Variants in NWD1 observed in about 807,000 individuals in gnomAD.
NWD1 encodes NACHT and WD repeat domain containing 1.
Under a neutral mutation model 135.1 loss-of-function variants are expected in NWD1, and 129 were observed. The observed-to-expected ratio is 0.96, with a 90% CI of 0.83 to 1.11. NWD1 has a LOEUF of 1.11. Among genes scored for constraint, NWD1 ranks in the 50% least tolerant of loss-of-function variants. The probability of loss-of-function intolerance (pLI) is 0.00; values close to 1 mark genes in which losing one functional copy is unlikely to be tolerated. For synonymous variants in NWD1, 773 were observed against 786.0 expected (o/e 0.98, Z 0.28); for missense variants, 1,740 against 1,851.3 (o/e 0.94, Z 1.10).
chr19:16,799,885 G>C lies in NWD1; in HGVS notation c.3460-1G>C. On this transcript the variant is annotated splice_acceptor_variant, in intron 16 of 18. Transcript: ENST00000524140. LOFTEE classifies it high-confidence loss of function. ...TCTGCCCTCCTGTTCTGCTTCCTCA[G>C]GTGTGGAGTCTGTCAGAACAGGGGA... 1 of 1,601,932 alleles carries C rather than the reference G, an allele frequency of 6.2e-7. No homozygotes were observed. Among genetic ancestry groups the C allele is most frequent in the Non-Finnish European group, 8.5e-7 (1 of 1,173,300 alleles).
intron 17 of NWD1, among the ~76,000 whole-genome samples, chr19:16,804,396 A>G (rs909923605): frequency 2.6e-5 from 4 of 151,982 alleles, no homozygotes; most frequent in African/African-American, 9.7e-5. Flanking sequence ...GAAGTTTGAG[A>G]CCAGCCTGGG....
chr19:16,815,309 C>A lies in NWD1; in HGVS notation c.*270C>A. The A allele has an allele frequency of 1.3e-6, 1 of 780,292 alleles. No individual in the cohort carries two copies. The allele number at this position is 780,292 out of a possible 1,614,324, so 48.3% of individuals were successfully genotyped here. ...TGAAACCAAATCAAACAAATGCTCA[C>A]AAGTGTGCCTGATAGTGTAAAAAAA... On this transcript the variant is annotated 3_prime_UTR_variant, in exon 19 of 19. Transcript: ENST00000524140.
rs748084052 is a variant in NWD1, at chr19:16,815,341, TA to T, written c.*309del. 1 of 735,178 alleles carries T rather than the reference TA, an allele frequency of 1.4e-6. No individual in the cohort carries two copies. Among genetic ancestry groups the T allele is most frequent in the Non-Finnish European group, 2.5e-6 (1 of 400,530 alleles). 45.5% of individuals were successfully genotyped at this position (735,178 alleles called of 1,614,324 possible). ...GCCTGATAGTGTAAAAAAATAAAAATAAAAAAACCCTGTGGGGGTATGGGGC... is the reference window on the plus strand; with the variant it reads ...GCCTGATAGTGTAAAAAAATAAAAATAAAAAACCCTGTGGGGGTATGGGGC... On this transcript the variant is annotated 3_prime_UTR_variant, in exon 19 of 19. Transcript: ENST00000524140.
At chr19:16,807,017 A>T (rs962013845) in intron 17 of NWD1, among the ~76,000 whole-genome samples, 1 of 151,798 alleles carries the variant, frequency 6.6e-6, no homozygotes, top group Non-Finnish European at 1.5e-5. Flanking sequence ...ACTCTGTCTA[A>T]AAAAAACAAA....
Position 16,781,961 on chromosome 19 carries a change from G to A in NWD1, c.2731+2496G>A, listed in dbSNP as rs377724731. On this transcript the variant is annotated intron_variant, in intron 12 of 18. Coordinates refer to ENST00000524140, the MANE Select transcript of NWD1 (RefSeq NM_001007525.5). ...CAAAAAAAATTAGCTGGGCGTGATGGTGGGTGCCTGTAGTCCCAGCTACTC... is the reference window on the plus strand; with the variant it reads ...CAAAAAAAATTAGCTGGGCGTGATGATGGGTGCCTGTAGTCCCAGCTACTC... 7.2e-5 allele frequency among the ~76,000 whole-genome samples: 11 copies of A among 151,864 alleles called. No individual in the cohort carries two copies. In the East Asian group the frequency reaches 7.8e-4, roughly 11 times the overall value.
At chr19:16,811,905 A>G (rs1402102411) in intron 18 of NWD1, among the ~76,000 whole-genome samples, 2 of 152,066 alleles carry the variant, frequency 1.3e-5, no homozygotes, top group Non-Finnish European at 2.9e-5. Flanking sequence ...AGTCCCAGCT[A>G]CCTGGAAGGC....
chr19:16,813,011 C>T (rs990059998), intron 18 of NWD1, among the ~76,000 whole-genome samples: 3 of 152,150 alleles, frequency 2.0e-5, no homozygotes, highest in African/African-American at 7.2e-5. Flanking sequence ...GCCCACAATC[C>T]CTCTTCTAGA....
chr19:16,769,558 G>GCCTA (rs1462704806), intron 10 of NWD1, among the ~76,000 whole-genome samples: 1 of 151,756 alleles, frequency 6.6e-6, no homozygotes, highest in Non-Finnish European at 1.5e-5. Context: ...CAGTACTGTA[G>GCCTA]CCTACATGGC....
At chr19:16,785,095 A>T (rs1215528560) in intron 12 of NWD1, among the ~76,000 whole-genome samples, 1 of 151,644 alleles carries the variant, frequency 6.6e-6, no homozygotes, top group African/African-American at 2.4e-5. Flanking sequence ...GGGAGTGGGG[A>T]GTGACTGCTG....
chr19:16,794,371 C>CAA, intron 14 of NWD1, 92 bp from the exon 15 acceptor site: 1 of 737,230 alleles, frequency 1.4e-6, no homozygotes, highest in Non-Finnish European at 2.3e-6. Context: ...ATCTCAAAAA[C>CAA]AAAAAAAATA....
chr19:16,723,689 T>C (rs1967220230), intron 1 of NWD1, among the ~76,000 whole-genome samples: 1 of 149,426 alleles, frequency 6.7e-6, no homozygotes, highest in African/African-American at 2.5e-5. Context: ...TTTTGTTTTG[T>C]TTTGTTTTGT....
Position 16,817,168 on chromosome 19 carries a change from T to C in NWD1, c.*2129T>C, listed in dbSNP as rs1266115064. ...TACAAAAATCAGCCAGGCATGGTGG[T>C]GAGTGCCTGTAATCTCAGTTACTCA... On this transcript the variant is annotated 3_prime_UTR_variant, in exon 19 of 19. Transcript: ENST00000524140. 2.0e-5 allele frequency: 3 copies of C among 151,990 alleles called. No homozygotes were observed. The highest frequency in any genetic ancestry group is 4.4e-5 in the Non-Finnish European group (3 of 68,048). The allele number at this position is 151,990 out of a possible 1,614,324, so 9.4% of individuals were successfully genotyped here.
chr19:16,814,361 A>T (rs1971009012), intron 18 of NWD1, among the ~76,000 whole-genome samples: 1 of 152,082 alleles, frequency 6.6e-6, no homozygotes, highest in Admixed American at 6.6e-5. Flanking sequence ...ACTTTCTTAC[A>T]CTGTCTCCTA....
chr19:16,797,664 T>C, intron 15 of NWD1, 68 bp from the exon 16 acceptor site: 2 of 1,461,728 alleles, frequency 1.4e-6, no homozygotes, highest in Non-Finnish European at 1.9e-6. Flanking sequence ...ACACCTCTGT[T>C]GATGGAAGGA....
At chr19:16,747,039 CTTTTT>C (rs202225653) in intron 5 of NWD1, among the ~76,000 whole-genome samples, 1 of 138,014 alleles carries the variant, frequency 7.2e-6, no homozygotes, top group African/African-American at 2.7e-5. Flanking sequence ...CTTTTTCTTT[CTTTTT>C]TTTTTTTTTT....
At chr19:16,772,942 T>C (rs1481236729) in intron 10 of NWD1, among the ~76,000 whole-genome samples, 184 bp from the exon 11 acceptor site, 1 of 152,090 alleles carries the variant, frequency 6.6e-6, no homozygotes, top group Non-Finnish European at 1.5e-5. Context: ...GCTGGGTGCC[T>C]CTGAAGCAAG....
At position 16,742,227 on chromosome 19, in the gene NWD1, T is replaced by A. The variant is rs527539413; in HGVS notation, c.199-2194T>A. ...CTGTCTCTACTAAAAATATAAAAATTAGCCAGGCGTGGTGGCTCACGCCTG... is the reference window on the plus strand; with the variant it reads ...CTGTCTCTACTAAAAATATAAAAATAAGCCAGGCGTGGTGGCTCACGCCTG... On this transcript the variant is annotated intron_variant, in intron 4 of 18. Coordinates refer to ENST00000524140, the MANE Select transcript of NWD1 (RefSeq NM_001007525.5). 4.3e-4 allele frequency among the ~76,000 whole-genome samples: 65 copies of A among 151,712 alleles called. 1 individual carries two copies. Among genetic ancestry groups the A allele is most frequent in the African/African-American group, 1.4e-3 (58 of 41,332 alleles).
chr19:16,750,194 G>C lies in NWD1; in HGVS notation c.1552G>C (p.Val518Leu). 3.7e-6 allele frequency: 6 copies of C among 1,613,358 alleles called. No homozygotes were observed. Among genetic ancestry groups the C allele is most frequent in the Non-Finnish European group, 5.1e-6 (6 of 1,179,722 alleles). Residue 518 changes from valine to leucine, a missense_variant, in exon 6 of 19, where the codon GTG (valine) becomes CTG (leucine). Transcript: ENST00000524140. ...LAAARRTLSP[V>L]HTDLLWASLP... ...AGCTGCAAGGAGGACGCTGAGCCCG[G>C]TGCACACAGATTTGCTCTGGGCCAG...
chr19:16,745,393 G>T (rs1968269233), intron 5 of NWD1, among the ~76,000 whole-genome samples: 1 of 151,890 alleles, frequency 6.6e-6, no homozygotes, highest in Non-Finnish European at 1.5e-5. Flanking sequence ...ATCCCAGTTT[G>T]CCTGGGACGG....
Sources: allele counts gnomAD v4.1 joint callset (sites outside exome capture counted in the v4.1 genomes callset), GRCh38; gene constraint gnomAD v4.1.1; transcripts MANE v1.5; gene names NCBI Gene and HGNC (gene_info 2026-07-23, HGNC 2026-07-21).